B4GALT6: variants seen among roughly 807,000 people sequenced by gnomAD.
The protein encoded by B4GALT6 is UDP-Gal:beta-GlcNAc beta-1,4-galactosyltransferase 6.
B4GALT6 carries 14 observed loss-of-function variants against 46.3 expected under a neutral mutation model. That is an observed-to-expected ratio of 0.30 (90% confidence interval 0.20 to 0.47). The LOEUF (loss-of-function observed/expected upper bound fraction) is 0.47, where lower values mean the gene tolerates loss of function less well. Ranked by LOEUF, B4GALT6 falls within the 20% of genes least tolerant of loss-of-function variation. The pLI, the probability that B4GALT6 is intolerant of heterozygous loss-of-function variation, is 0.99. For synonymous variants in B4GALT6, 168 were observed against 162.0 expected, an observed-to-expected ratio of 1.04 and a Z score of -0.28; for missense variants, 386 against 480.1, an observed-to-expected ratio of 0.80 and a Z score of 1.83.
the B4GALT6 span, among the ~76,000 whole-genome samples, chr18:31,696,887 G>T: frequency 6.6e-6 from 1 of 152,156 alleles, no homozygotes; most frequent in African/African-American, 2.4e-5. Flanking sequence ...TAATGATTGT[G>T]TAGTTGAGTC....
intron 3 of B4GALT6, among the ~76,000 whole-genome samples, chr18:31,649,646 CA>C (rs893225744): frequency 1.5e-5 from 2 of 136,968 alleles, no homozygotes; most frequent in African/African-American, 2.7e-5. Flanking sequence ...AGCCAACAAA[CA>C]AAAAAAAATG....
intron 1 of B4GALT6, 60 bp downstream of exon 1, chr18:31,684,252 T>A (rs968288258): frequency 1.0e-5 from 16 of 1,606,258 alleles, no homozygotes; most frequent in Middle Eastern, 1.7e-4. Context: ...TAACATCGGA[T>A]AACAGCCTGC....
At chr18:31,641,547 TCA>T (rs890526477) in intron 4 of B4GALT6, among the ~76,000 whole-genome samples, 17 of 152,252 alleles carry the variant, frequency 1.1e-4, no homozygotes, top group African/African-American at 3.9e-4. Context: ...AGAAAAGATC[TCA>T]GTGTTCTGTG....
At chr18:31,689,001 GT>G (rs1254261868), upstream of B4GALT6, among the ~76,000 whole-genome samples, 1 of 151,988 alleles carries the variant, frequency 6.6e-6, no homozygotes, top group Non-Finnish European at 1.5e-5. Flanking sequence ...TTAAACATCT[GT>G]GCCAAGAAAC....
At chr18:31,688,622 A>C (rs1003001304), upstream of B4GALT6, among the ~76,000 whole-genome samples, 4 of 152,200 alleles carry the variant, frequency 2.6e-5, no homozygotes, top group African/African-American at 9.7e-5. Context: ...CTTAGATCCA[A>C]GATCATTCTT....
At chr18:31,694,373 C>T in the B4GALT6 span, among the ~76,000 whole-genome samples, 1 of 152,210 alleles carries the variant, frequency 6.6e-6, no homozygotes, top group African/African-American at 2.4e-5. Flanking sequence ...GGAAGTACTA[C>T]TGCTTGCATT....
At chr18:31,711,546 T>A in the B4GALT6 span, among the ~76,000 whole-genome samples, 5 of 152,218 alleles carry the variant, frequency 3.3e-5, no homozygotes, top group Non-Finnish European at 5.9e-5. Context: ...TTGCTAAGGA[T>A]AATGCACAAA....
chr18:31,675,118 T>C (rs551053535), intron 1 of B4GALT6, among the ~76,000 whole-genome samples: 1 of 152,312 alleles, frequency 6.6e-6, no homozygotes, highest in South Asian at 2.1e-4. Context: ...CAGATGCAAA[T>C]ACTAAAAACT....
chr18:31,639,570 T>G (rs1337054297), intron 4 of B4GALT6, among the ~76,000 whole-genome samples: 1 of 152,280 alleles, frequency 6.6e-6, no homozygotes, highest in East Asian at 1.9e-4. Context: ...ATTTTAAAAT[T>G]TATTTCAGTG....
the B4GALT6 span, among the ~76,000 whole-genome samples, chr18:31,709,698 A>G: frequency 7.3e-5 from 11 of 151,688 alleles, no homozygotes; most frequent in African/African-American, 2.4e-4. Context: ...AAGTGGGAAA[A>G]TGATGCTCTA....
At chr18:31,675,672 A>C (rs2074406717) in intron 1 of B4GALT6, among the ~76,000 whole-genome samples, 6 of 152,210 alleles carry the variant, frequency 3.9e-5, no homozygotes. Flanking sequence ...GAAATGAAGA[A>C]ATCAAGGAAG....
chr18:31,664,671 G>A (rs912822788), intron 2 of B4GALT6, among the ~76,000 whole-genome samples: 1 of 151,838 alleles, frequency 6.6e-6, no homozygotes, highest in African/African-American at 2.4e-5. Flanking sequence ...CAAATTTTTA[G>A]CACTCACACA....
At chr18:31,715,570 G>C in the B4GALT6 span, among the ~76,000 whole-genome samples, 1 of 88,700 alleles carries the variant, frequency 1.1e-5, no homozygotes, top group South Asian at 4.4e-4. Flanking sequence ...TTTTTTTTGA[G>C]ATGGAGTTTC....
At chr18:31,640,932 T>C (rs1452765249) in intron 4 of B4GALT6, among the ~76,000 whole-genome samples, 1 of 152,218 alleles carries the variant, frequency 6.6e-6, no homozygotes, top group African/African-American at 2.4e-5. Context: ...AGAGGTTAGA[T>C]GGTGAGTACA....
chr18:31,639,904 T>C (rs2073908907), intron 4 of B4GALT6, among the ~76,000 whole-genome samples: 1 of 152,196 alleles, frequency 6.6e-6, no homozygotes, highest in East Asian at 1.9e-4. Context: ...ATACAAACTT[T>C]GTCATACAAT....
chr18:31,668,953 G>T (rs1304782347), intron 1 of B4GALT6, among the ~76,000 whole-genome samples: 1 of 151,634 alleles, frequency 6.6e-6, no homozygotes. Context: ...AGAGGTTACA[G>T]TGAGCCGAGC....
the B4GALT6 span, among the ~76,000 whole-genome samples, chr18:31,712,287 A>AT: frequency 3.8e-3 from 318 of 84,582 alleles, 23 homozygotes; most frequent in East Asian, 9.6e-3. Flanking sequence ...CTGGGACGTT[A>AT]TTTTTTTTTT....
intron 6 of B4GALT6, among the ~76,000 whole-genome samples, chr18:31,628,793 G>A (rs1398669298): frequency 6.6e-6 from 1 of 152,230 alleles, no homozygotes; most frequent in East Asian, 1.9e-4. Context: ...CGTCCAAGAT[G>A]CCTAACCAAT....
upstream of B4GALT6, chr18:31,686,386 T>C (rs1175462220): frequency 6.6e-6 from 1 of 152,254 alleles, no homozygotes; most frequent in Non-Finnish European, 1.5e-5. Context: ...TGGAAGCTAC[T>C]ACTTTGTGTG....
Sources: gnomAD v4.1 joint callset for allele counts (sites outside exome capture counted in the v4.1 genomes callset) on GRCh38, gnomAD v4.1.1 for gene constraint, MANE v1.5 for transcripts, NCBI Gene and HGNC (gene_info 2026-07-23, HGNC 2026-07-21) for gene names.